FAF1: variants seen among roughly 807,000 people sequenced by gnomAD.
The protein encoded by FAF1 is FAS-associated factor 1.
A neutral mutation model predicts 92.5 loss-of-function variants in FAF1; 25 were observed. The observed-to-expected ratio is 0.27, with a 90% confidence interval of 0.20 to 0.38. FAF1 has a LOEUF of 0.38. Among genes scored for constraint, FAF1 ranks in the 10% least tolerant of loss-of-function variants. The probability of loss-of-function intolerance (pLI) is 1.00; values close to 1 mark genes in which losing one functional copy is unlikely to be tolerated. For synonymous variants in FAF1, 234 were observed against 273.2 expected (o/e 0.86, Z 1.42); for missense variants, 636 against 793.3 (o/e 0.80, Z 2.38).
intron 17 of FAF1, among the ~76,000 whole-genome samples, chr1:50,483,373 C>T (rs978199283): frequency 2.6e-5 from 4 of 151,954 alleles, no homozygotes; most frequent in African/African-American, 9.7e-5. Flanking sequence ...TTTGTAAATA[C>T]CACTATGTCT....
chr1:50,533,177 C>T (rs1209675734), intron 15 of FAF1, among the ~76,000 whole-genome samples: 3 of 151,898 alleles, frequency 2.0e-5, no homozygotes, highest in Non-Finnish European at 4.4e-5. Context: ...GAACATGGCT[C>T]CCTGTAGCCT....
rs869179803 is a variant in FAF1, at chr1:50,918,174, CTTT to C, written c.45+41590_45+41592del. Among the ~76,000 whole-genome samples the C allele has an allele frequency of 1.5e-4, 20 of 130,120 alleles. No individual in the cohort carries two copies. In the South Asian group the frequency reaches 5.0e-3, roughly 33 times the overall value. 85.4% of individuals were successfully genotyped at this position (130,120 alleles called of 152,430 possible). On this transcript the variant is annotated intron_variant, in intron 1 of 18. Coordinates refer to ENST00000396153, the MANE Select transcript of FAF1 (RefSeq NM_007051.3). ...AGTACATTTCACTGAATGTAAATTT[CTTT>C]TTTTTTTTTTTTAATTTTTTTTTTT...
chr1:50,500,973 A>G (rs1646977187), intron 15 of FAF1, among the ~76,000 whole-genome samples: 1 of 152,218 alleles, frequency 6.6e-6, no homozygotes, highest in Admixed American at 6.5e-5. Flanking sequence ...ATTTTTGAAT[A>G]GTAGCAACAA....
intron 15 of FAF1, among the ~76,000 whole-genome samples, chr1:50,531,729 A>G (rs771264736): frequency 1.1e-4 from 17 of 152,170 alleles, no homozygotes; most frequent in Non-Finnish European, 2.1e-4. Flanking sequence ...CATATAATGT[A>G]TATACCCTGG....
chr1:50,827,533 T>C (rs1644112657), intron 2 of FAF1, among the ~76,000 whole-genome samples: 1 of 152,086 alleles, frequency 6.6e-6, no homozygotes, highest in African/African-American at 2.4e-5. Flanking sequence ...CCAGAGACCT[T>C]TGTTCACGTG....
intron 6 of FAF1, among the ~76,000 whole-genome samples, chr1:50,736,747 G>T (rs946406977): frequency 1.3e-5 from 2 of 150,492 alleles, no homozygotes; most frequent in Non-Finnish European, 3.0e-5. Flanking sequence ...GCGAAACTCC[G>T]TCTCCAAAAA....
chr1:50,774,401 A>G, intron 4 of FAF1, among the ~76,000 whole-genome samples: 1 of 152,204 alleles, frequency 6.6e-6, no homozygotes, highest in Non-Finnish European at 1.5e-5. Flanking sequence ...TCGAGATCAG[A>G]ATCTGAATTT....
chr1:50,680,435 A>T (rs1402617546), intron 7 of FAF1, among the ~76,000 whole-genome samples: 1 of 151,946 alleles, frequency 6.6e-6, no homozygotes, highest in Non-Finnish European at 1.5e-5. Context: ...GTAATCCCAG[A>T]ACTTTGGGAG....
intron 15 of FAF1, among the ~76,000 whole-genome samples, chr1:50,500,302 T>C (rs1646968589): frequency 6.6e-6 from 1 of 152,126 alleles, no homozygotes; most frequent in Non-Finnish European, 1.5e-5. Context: ...TGTATGGTAC[T>C]GTTGTAAAGA....
intron 8 of FAF1, among the ~76,000 whole-genome samples, chr1:50,632,449 C>T (rs1196206685): frequency 1.3e-5 from 2 of 152,162 alleles, no homozygotes; most frequent in Non-Finnish European, 2.9e-5. Flanking sequence ...GCTTGTTCAT[C>T]AATAAATCAG....
intron 18 of FAF1, among the ~76,000 whole-genome samples, chr1:50,451,422 ATG>A (rs1237992883): frequency 6.6e-6 from 1 of 152,226 alleles, no homozygotes; most frequent in Non-Finnish European, 1.5e-5. Flanking sequence ...CACTTTAAAA[ATG>A]AGGACAAGAG....
At chr1:50,572,983 C>A (rs547357461) in intron 12 of FAF1, among the ~76,000 whole-genome samples, 1 of 152,042 alleles carries the variant, frequency 6.6e-6, no homozygotes, top group African/African-American at 2.4e-5. Flanking sequence ...ACACACCTGG[C>A]CTGCGAAGGT....
intron 2 of FAF1, among the ~76,000 whole-genome samples, chr1:50,816,938 G>A (rs1321067280): frequency 6.6e-6 from 1 of 152,094 alleles, no homozygotes; most frequent in Non-Finnish European, 1.5e-5. Flanking sequence ...ATTGACTAAG[G>A]AGTCCTTTCT....
chr1:50,869,639 C>G (rs1644510640), intron 1 of FAF1, among the ~76,000 whole-genome samples: 2 of 152,134 alleles, frequency 1.3e-5, no homozygotes, highest in African/African-American at 4.8e-5. Flanking sequence ...ATTTTCTATA[C>G]AAATTTGTAC....
chr1:50,942,761 TAC>T (rs1295117872), intron 1 of FAF1, among the ~76,000 whole-genome samples: 1 of 151,826 alleles, frequency 6.6e-6, no homozygotes, highest in Non-Finnish European at 1.5e-5. Context: ...TTTTTTTTTT[TAC>T]AGAGTATCAG....
At chr1:50,735,008 G>A (rs1215199214) in intron 6 of FAF1, among the ~76,000 whole-genome samples, 8 of 152,136 alleles carry the variant, frequency 5.3e-5, no homozygotes, top group Non-Finnish European at 1.0e-4. Flanking sequence ...GTTTAGGAAG[G>A]AATCTGGGTG....
chr1:50,959,153 T>C (rs1385055433), intron 1 of FAF1, among the ~76,000 whole-genome samples: 2 of 152,224 alleles, frequency 1.3e-5, no homozygotes, highest in Non-Finnish European at 2.9e-5. Context: ...AGGTAATTTA[T>C]TAAGCTTGTG....
chr1:50,677,976 CA>C (rs1006493792), intron 7 of FAF1, among the ~76,000 whole-genome samples: 2 of 149,078 alleles, frequency 1.3e-5, no homozygotes, highest in Non-Finnish European at 3.0e-5. Flanking sequence ...ATTCTATTTA[CA>C]AAAATGGTGA....
At chr1:50,932,940 C>CCT (rs1253129036) in intron 1 of FAF1, among the ~76,000 whole-genome samples, 1 of 152,168 alleles carries the variant, frequency 6.6e-6, no homozygotes, top group African/African-American at 2.4e-5. Flanking sequence ...GGGCTTCTAC[C>CCT]CTCTCAAGCC....
Sources: gnomAD v4.1 joint callset for allele counts (sites outside exome capture counted in the v4.1 genomes callset) on GRCh38, gnomAD v4.1.1 for gene constraint, MANE v1.5 for transcripts, NCBI Gene and HGNC (gene_info 2026-07-23, HGNC 2026-07-21) for gene names.